CPT1A: variants seen among roughly 807,000 people sequenced by gnomAD.
The protein encoded by CPT1A is carnitine O-palmitoyltransferase 1, liver isoform.
In CPT1A, 64 loss-of-function variants were observed where a neutral mutation model predicts 100.8. The observed-to-expected ratio is 0.63, with a 90% confidence interval of 0.52 to 0.78. CPT1A has a LOEUF of 0.78. Ranked by LOEUF, CPT1A falls within the 30% of genes least tolerant of loss-of-function variation. CPT1A has a pLI of 0.00. For missense variants in CPT1A, 802 were observed against 1,034.1 expected, an observed-to-expected ratio of 0.78 and a Z score of 3.08; for synonymous variants, 363 against 396.0, an observed-to-expected ratio of 0.92 and a Z score of 0.99.
chr11:68,801,781 A>G (rs1272540776), intron 5 of CPT1A, among the ~76,000 whole-genome samples: 1 of 152,124 alleles, frequency 6.6e-6, no homozygotes, highest in Non-Finnish European at 1.5e-5. Context: ...AAACTAAAGC[A>G]CCCATGCACT....
intron 18 of CPT1A, among the ~76,000 whole-genome samples, chr11:68,758,494 T>C (rs531852696): frequency 6.6e-6 from 1 of 152,308 alleles, no homozygotes; most frequent in East Asian, 1.9e-4. Context: ...GTGTACCCAT[T>C]ATTTTTAGTT....
intron 1 of CPT1A, among the ~76,000 whole-genome samples, chr11:68,837,904 T>C (rs1273610940): frequency 6.6e-6 from 1 of 152,126 alleles, no homozygotes; most frequent in Non-Finnish European, 1.5e-5. Flanking sequence ...TCTGGGCCAC[T>C]GAAATAATGA....
chr11:68,813,857 G>A (rs982183463), intron 2 of CPT1A, among the ~76,000 whole-genome samples: 3 of 152,156 alleles, frequency 2.0e-5, no homozygotes, highest in Admixed American at 6.5e-5. Context: ...GTGAAATCTC[G>A]GATGTCACCT....
chr11:68,775,916 T>C (rs1236425097), intron 12 of CPT1A, among the ~76,000 whole-genome samples: 1 of 152,154 alleles, frequency 6.6e-6, no homozygotes, highest in African/African-American at 2.4e-5. Context: ...ACACAAAAAC[T>C]TGTACAGAAT....
rs544058759 is a variant in CPT1A, at chr11:68,813,300, G to A, written c.142-724C>T. On this transcript the variant is annotated intron_variant, in intron 2 of 18. Coordinates refer to ENST00000265641, the MANE Select transcript of CPT1A (RefSeq NM_001876.4). Reference sequence around the variant, plus strand: ...AACCCCAGCACTTTGGGAGGCTGAGGCAGGCCGATCACTTGAGGTAAGGAG... The same window carrying A: ...AACCCCAGCACTTTGGGAGGCTGAGACAGGCCGATCACTTGAGGTAAGGAG... Among the ~76,000 whole-genome samples, 14 of 152,164 alleles carry A rather than the reference G, an allele frequency of 9.2e-5. No individual in the cohort carries two copies. The South Asian group carries it at 2.5e-3, about 27-fold the overall frequency.
At chr11:68,778,421 TAGAC>T (rs1290956310) in intron 12 of CPT1A, among the ~76,000 whole-genome samples, 1 of 151,916 alleles carries the variant, frequency 6.6e-6, no homozygotes, top group Non-Finnish European at 1.5e-5. Flanking sequence ...GGGGGAAAAA[TAGAC>T]AGACACAATA....
rs1451522466 is a variant in CPT1A at position 68,812,568 on chromosome 11, GATGCCGTT to G, written c.142_149del (p.Asn48HisfsTer89). 1.2e-6 allele frequency: 2 copies of G among 1,614,184 alleles called. No homozygotes were observed. Among genetic ancestry groups the G allele is most frequent in the Non-Finnish European group, 1.7e-6 (2 of 1,180,026 alleles). ...GGCTTGCCGGGTACACGCCAGTGAT[GATGCCGTT>G]CTAAAGACAGACACCCGGGCCGTGA... On this transcript the variant is annotated frameshift_variant and splice_region_variant, in exon 3 of 19. Transcript: ENST00000265641. LOFTEE classifies it high-confidence loss of function.
intron 12 of CPT1A, among the ~76,000 whole-genome samples, chr11:68,776,436 A>G (rs1391769451): frequency 6.6e-6 from 1 of 152,228 alleles, no homozygotes; most frequent in African/African-American, 2.4e-5. Context: ...AAAAGAAAAA[A>G]GAAGCCAGAC....
chr11:68,797,028 T>C lies in CPT1A; in HGVS notation c.694-95A>G, dbSNP rs1403090465. 21 of 1,220,944 alleles carry C rather than the reference T, an allele frequency of 1.7e-5. No individual in the cohort carries two copies. In the Admixed American group the frequency reaches 4.0e-4, roughly 23 times the overall value. The allele number at this position is 1,220,944 out of a possible 1,614,324, so 75.6% of individuals were successfully genotyped here. Reference sequence around the variant, plus strand: ...CAGAGCCGCGGGGAAGGGCAGGCAGTGCTTTTGGCAGACATTTCGGCGTCT... The same window carrying C: ...CAGAGCCGCGGGGAAGGGCAGGCAGCGCTTTTGGCAGACATTTCGGCGTCT... On this transcript the variant is annotated intron_variant, in intron 6 of 18. Coordinates refer to ENST00000265641, the MANE Select transcript of CPT1A (RefSeq NM_001876.4).
chr11:68,819,111 C>T (rs1221608634), intron 1 of CPT1A, among the ~76,000 whole-genome samples: 3 of 152,246 alleles, frequency 2.0e-5, no homozygotes, highest in South Asian at 4.1e-4. Flanking sequence ...CGGAGTCTCA[C>T]TCTGTCGCCC....
chr11:68,798,277 G>A (rs768713708), intron 6 of CPT1A, among the ~76,000 whole-genome samples: 7 of 152,310 alleles, frequency 4.6e-5, no homozygotes, highest in Admixed American at 6.5e-5. Context: ...CAAGGGCCTC[G>A]TGTGCGGAGA....
At chr11:68,816,855 GGT>G (rs1247752894) in intron 1 of CPT1A, among the ~76,000 whole-genome samples, 36 of 143,940 alleles carry the variant, frequency 2.5e-4, no homozygotes, top group African/African-American at 3.9e-4. Context: ...GTGCGTGTGT[GGT>G]GTGTGTGTGT....
intron 5 of CPT1A, among the ~76,000 whole-genome samples, chr11:68,802,229 C>A (rs994877350): frequency 6.6e-6 from 1 of 151,872 alleles, no homozygotes; most frequent in Non-Finnish European, 1.5e-5. Flanking sequence ...GTACTTAGTG[C>A]CCCTGAACTG....
At chr11:68,817,153 CTGTGTGT>C (rs1856448296) in intron 1 of CPT1A, among the ~76,000 whole-genome samples, 1 of 93,364 alleles carries the variant, frequency 1.1e-5, no homozygotes, top group African/African-American at 3.6e-5. Flanking sequence ...GTGTGTGTGT[CTGTGTGT>C]GTGTGTGTGG....
chr11:68,838,572 T>TTAAAAAAAAAAAAA (rs1491356211), intron 1 of CPT1A, among the ~76,000 whole-genome samples: 1 of 95,522 alleles, frequency 1.0e-5, no homozygotes, highest in African/African-American at 5.1e-5. Context: ...TGCACCTTTT[T>TTAAAAAAAAAAAAA]AAAAAAAAAA....
At chr11:68,801,855 C>T (rs1197857524) in intron 5 of CPT1A, among the ~76,000 whole-genome samples, 7 of 152,152 alleles carry the variant, frequency 4.6e-5, no homozygotes, top group Admixed American at 6.6e-5. Flanking sequence ...TGAGTTACCA[C>T]GGAATTCCCA....
At chr11:68,823,359 C>T (rs1228484254) in intron 1 of CPT1A, among the ~76,000 whole-genome samples, 1 of 152,160 alleles carries the variant, frequency 6.6e-6, no homozygotes, top group Non-Finnish European at 1.5e-5. Flanking sequence ...GAAGTGTTAT[C>T]TATTTAATGT....
Position 68,762,682 on chromosome 11 carries a change from G to A in CPT1A, c.1820C>T (p.Ser607Phe). ...FREGRTETVR[S>F]CTTESCDFVR... ...GAAGTCGCATGACTCAGTGGTGCAGGAGCGCACGGTCTCCGTCCTCCCCTC... is the reference window on the plus strand; with the variant it reads ...GAAGTCGCATGACTCAGTGGTGCAGAAGCGCACGGTCTCCGTCCTCCCCTC... Residue 607 changes from serine (S) to phenylalanine (F), a missense_variant, in exon 15 of 19, where the codon TCC becomes TTC. By Grantham distance (155) the Ser-to-Phe change is radical. Transcript: ENST00000265641. 1.9e-6 allele frequency: 3 copies of A among 1,614,030 alleles called. No individual in the cohort carries two copies. The highest frequency in any genetic ancestry group is 2.5e-6 in the Non-Finnish European group (3 of 1,180,046).
chr11:68,780,366 T>C (rs1038479328), intron 12 of CPT1A, among the ~76,000 whole-genome samples: 1 of 152,212 alleles, frequency 6.6e-6, no homozygotes, highest in Non-Finnish European at 1.5e-5. Flanking sequence ...CACTGCAACC[T>C]CTGTCTCCCG....
Sources: allele counts gnomAD v4.1 joint callset (sites outside exome capture counted in the v4.1 genomes callset), GRCh38; gene constraint gnomAD v4.1.1; transcripts MANE v1.5; gene names NCBI Gene and HGNC (gene_info 2026-07-23, HGNC 2026-07-21).